GRM5: variants seen among roughly 807,000 people sequenced by gnomAD.
GRM5 encodes glutamate metabotropic receptor 5, also known as metabotropic glutamate receptor 5.
A neutral mutation model predicts 83.1 loss-of-function variants in GRM5; 19 were observed. The ratio of observed to expected loss-of-function variants is 0.23; its 90% CI spans 0.16 to 0.34. The LOEUF is 0.34. Among genes scored for constraint, GRM5 ranks in the 10% least tolerant of loss-of-function variants. The probability of loss-of-function intolerance (pLI) is 1.00; values close to 1 mark genes in which losing one functional copy is unlikely to be tolerated. For synonymous variants in GRM5, 675 were observed against 633.6 expected (o/e 1.07, Z -0.98); for missense variants, 1,160 against 1,588.3 (o/e 0.73, Z 4.58).
chr11:88,526,043 C>T (rs1941866987), intron 8 of GRM5, among the ~76,000 whole-genome samples: 1 of 152,080 alleles, frequency 6.6e-6, no homozygotes, highest in African/African-American at 2.4e-5. Flanking sequence ...TGAGTGATAC[C>T]ATTCTGGATG....
intron 2 of GRM5, among the ~76,000 whole-genome samples, chr11:89,000,246 A>T (rs1198322626): frequency 1.3e-5 from 2 of 152,328 alleles, no homozygotes; most frequent in African/African-American, 2.4e-5. Flanking sequence ...AACAATAATT[A>T]AAAAACGGAA....
chr11:88,827,680 T>C (rs1215582063), intron 3 of GRM5, among the ~76,000 whole-genome samples: 1 of 152,200 alleles, frequency 6.6e-6, no homozygotes, highest in Non-Finnish European at 1.5e-5. Flanking sequence ...CTTTAAAAAA[T>C]CCTATCTGCT....
chr11:88,634,453 C>G (rs953851413), intron 4 of GRM5, among the ~76,000 whole-genome samples: 5 of 151,992 alleles, frequency 3.3e-5, no homozygotes, highest in Non-Finnish European at 7.4e-5. Context: ...ATTCCATAAT[C>G]TTTTCCTATT....
chr11:88,550,826 C>G (rs184637363), intron 8 of GRM5, among the ~76,000 whole-genome samples: 1 of 152,140 alleles, frequency 6.6e-6, no homozygotes, highest in Non-Finnish European at 1.5e-5. Context: ...CTTTACCAGT[C>G]TTTCAAATAC....
intron 9 of GRM5, among the ~76,000 whole-genome samples, chr11:88,522,603 C>CTCTGTGTGTGTGTG (rs1206475339): frequency 9.0e-4 from 115 of 127,286 alleles, no homozygotes; most frequent in African/African-American, 3.1e-3. Flanking sequence ...CTCTCTCTCT[C>CTCTGTGTGTGTGTG]TGTGTGTGTG....
intron 2 of GRM5, among the ~76,000 whole-genome samples, chr11:88,866,611 T>C (rs1240270019): frequency 1.3e-5 from 2 of 152,020 alleles, no homozygotes; most frequent in Non-Finnish European, 2.9e-5. Context: ...ATTTTGGATG[T>C]TTACCATGAA....
At chr11:88,923,412 C>A (rs1458546803) in intron 2 of GRM5, among the ~76,000 whole-genome samples, 1 of 152,090 alleles carries the variant, frequency 6.6e-6, no homozygotes, top group African/African-American at 2.4e-5. Context: ...GTGGATGGAA[C>A]TGGAAGACAT....
intron 3 of GRM5, among the ~76,000 whole-genome samples, chr11:88,734,231 T>TATGAAAG (rs905254459): frequency 5.3e-4 from 81 of 152,058 alleles, no homozygotes; most frequent in Non-Finnish European, 1.1e-3. Context: ...CCAATAGGTA[T>TATGAAAG]ATGAAAGGAC....
intron 2 of GRM5, among the ~76,000 whole-genome samples, chr11:88,864,568 T>A (rs773608284): frequency 2.6e-5 from 4 of 152,064 alleles, no homozygotes; most frequent in Non-Finnish European, 4.4e-5. Flanking sequence ...AAGGAGATTT[T>A]GGGCTGAGAT....
intron 4 of GRM5, among the ~76,000 whole-genome samples, chr11:88,649,572 C>T (rs1393134198): frequency 3.4e-5 from 5 of 148,266 alleles, no homozygotes; most frequent in Admixed American, 2.7e-4. Context: ...ACCGGGGAAA[C>T]ACATTAAGAA....
At chr11:88,602,076 T>C (rs1478825512) in intron 5 of GRM5, among the ~76,000 whole-genome samples, 3 of 151,452 alleles carry the variant, frequency 2.0e-5, no homozygotes, top group Non-Finnish European at 4.4e-5. Flanking sequence ...CTGAAATTTT[T>C]TTTTCTTTTT....
At chr11:88,929,555 T>G (rs1489282513) in intron 2 of GRM5, among the ~76,000 whole-genome samples, 1 of 152,258 alleles carries the variant, frequency 6.6e-6, no homozygotes, top group Admixed American at 6.5e-5. Flanking sequence ...TAACGAAAAG[T>G]CCGGCAACAG....
chr11:88,863,563 A>G (rs1027560024), intron 2 of GRM5, among the ~76,000 whole-genome samples: 12 of 152,094 alleles, frequency 7.9e-5, no homozygotes, highest in Admixed American at 7.2e-4. Flanking sequence ...CTGAATGATG[A>G]GAACACATGA....
chr11:88,993,030 AAAT>A (rs997826751), intron 2 of GRM5, among the ~76,000 whole-genome samples: 1 of 150,944 alleles, frequency 6.6e-6, no homozygotes, highest in Non-Finnish European at 1.5e-5. Context: ...AAAATAAATA[AAAT>A]AATAAAAAAA....
chr11:88,679,649 C>G (rs980851568), intron 3 of GRM5, among the ~76,000 whole-genome samples: 1 of 152,050 alleles, frequency 6.6e-6, no homozygotes, highest in African/African-American at 2.4e-5. Flanking sequence ...TACTTTTATA[C>G]TTTTATGAGT....
intron 2 of GRM5, among the ~76,000 whole-genome samples, chr11:88,871,760 C>A (rs1173122425): frequency 6.6e-6 from 1 of 151,322 alleles, no homozygotes; most frequent in African/African-American, 2.4e-5. Context: ...ACTGTGTGTA[C>A]TGAAAAGGAA....
chr11:89,039,167 A>G (rs1941466137), intron 2 of GRM5, among the ~76,000 whole-genome samples: 1 of 152,098 alleles, frequency 6.6e-6, no homozygotes, highest in South Asian at 2.1e-4. Flanking sequence ...CGGGAGACTC[A>G]GGCAGGAGAG....
intron 3 of GRM5, among the ~76,000 whole-genome samples, chr11:88,830,283 T>C (rs752659818): frequency 3.3e-5 from 5 of 151,442 alleles, no homozygotes; most frequent in African/African-American, 1.2e-4. Context: ...CATTCTGTTA[T>C]AGCAATATAG....
chr11:88,821,498 A>G (rs1943794465), intron 3 of GRM5, among the ~76,000 whole-genome samples: 1 of 152,058 alleles, frequency 6.6e-6, no homozygotes, highest in Non-Finnish European at 1.5e-5. Flanking sequence ...TTTGTAAGCC[A>G]TATCCTTAGT....
Sources: gnomAD v4.1 joint callset for allele counts (sites outside exome capture counted in the v4.1 genomes callset) on GRCh38, gnomAD v4.1.1 for gene constraint, MANE v1.5 for transcripts, NCBI Gene and HGNC (gene_info 2026-07-23, HGNC 2026-07-21) for gene names.